GRM7: variants seen among roughly 807,000 people sequenced by gnomAD.
The protein encoded by GRM7 is metabotropic glutamate receptor 7.
A neutral mutation model predicts 84.5 loss-of-function variants in GRM7; 35 were observed. That is an observed-to-expected ratio of 0.41 (90% CI 0.32 to 0.55). GRM7 has a LOEUF of 0.55. GRM7 is among the 20% of genes least tolerant of loss of function. The probability of loss-of-function intolerance (pLI) is 0.19; values close to 1 mark genes in which losing one functional copy is unlikely to be tolerated. For missense variants in GRM7, 1,003 were observed against 1,194.6 expected, an observed-to-expected ratio of 0.84 and a Z score of 2.36; for synonymous variants, 487 against 455.1, an observed-to-expected ratio of 1.07 and a Z score of -0.89.
At chr3:7,595,716 G>A (rs947544586) in intron 8 of GRM7, among the ~76,000 whole-genome samples, 18 of 151,980 alleles carry the variant, frequency 1.2e-4, no homozygotes, top group African/African-American at 4.3e-4. Flanking sequence ...GTAGGGAAGA[G>A]TGCCCAGGCC....
intron 5 of GRM7, among the ~76,000 whole-genome samples, chr3:7,426,095 GTTCTTTCT>G (rs144628224): frequency 8.3e-4 from 125 of 150,638 alleles, no homozygotes; most frequent in Admixed American, 1.8e-3. Flanking sequence ...CATATCATAC[GTTCTTTCT>G]TTCTTTCTTT....
intron 7 of GRM7, among the ~76,000 whole-genome samples, chr3:7,539,569 A>T (rs1692752409): frequency 6.6e-6 from 1 of 151,246 alleles, no homozygotes; most frequent in Non-Finnish European, 1.5e-5. Context: ...CCAGCTACTC[A>T]GGAAGCTGAG....
chr3:7,665,970 G>T (rs1272536748), intron 8 of GRM7, among the ~76,000 whole-genome samples: 2 of 152,054 alleles, frequency 1.3e-5, no homozygotes, highest in Non-Finnish European at 2.9e-5. Context: ...TTTTTTGAAG[G>T]CTTCATTTTT....
intron 1 of GRM7, among the ~76,000 whole-genome samples, chr3:7,022,934 T>C (rs1378822776): frequency 6.6e-6 from 1 of 152,128 alleles, no homozygotes; most frequent in Non-Finnish European, 1.5e-5. Flanking sequence ...AATAACCCAG[T>C]GTATTATAGA....
At chr3:7,540,761 A>G (rs919927687) in intron 7 of GRM7, among the ~76,000 whole-genome samples, 1 of 152,208 alleles carries the variant, frequency 6.6e-6, no homozygotes, top group Non-Finnish European at 1.5e-5. Context: ...AGAAGACAAA[A>G]TAGACTCCCT....
At chr3:7,110,090 A>G (rs911172703) in intron 1 of GRM7, among the ~76,000 whole-genome samples, 4 of 152,138 alleles carry the variant, frequency 2.6e-5, no homozygotes, top group Admixed American at 6.6e-5. Context: ...ATACAATTTC[A>G]TTATTTATTT....
rs1693902168 is a variant in GRM7, at chr3:7,366,582, G to T, written c.1034-48441G>T. ...TAATATGGTTAGAAATTATTTAAAT[G>T]ATTGTCTTTATTTTTCTGTAAGTGC... On this transcript the variant is annotated intron_variant, in intron 4 of 9. Transcript: ENST00000357716. Among the ~76,000 whole-genome samples, 4 of 151,818 alleles carry T rather than the reference G, an allele frequency of 2.6e-5. No individual in the cohort carries two copies. In the South Asian group the frequency reaches 8.3e-4, roughly 32 times the overall value.
chr3:6,888,370 A>G (rs548293428), intron 1 of GRM7, among the ~76,000 whole-genome samples: 1 of 152,178 alleles, frequency 6.6e-6, no homozygotes, highest in Non-Finnish European at 1.5e-5. Flanking sequence ...TTTATGTCTA[A>G]CGTTTAAGTC....
intron 8 of GRM7, among the ~76,000 whole-genome samples, chr3:7,660,378 G>A (rs1002411166): frequency 2.0e-5 from 3 of 152,142 alleles, no homozygotes; most frequent in Non-Finnish European, 4.4e-5. Context: ...GCAGAAGGCA[G>A]GACATTTTAT....
intron 2 of GRM7, among the ~76,000 whole-genome samples, chr3:7,198,913 A>G (rs1472352075): frequency 1.3e-5 from 2 of 152,224 alleles, no homozygotes; most frequent in Non-Finnish European, 2.9e-5. Context: ...CAATGAAATC[A>G]GAAAGACAGA....
At chr3:7,417,773 T>C (rs1696229091) in intron 5 of GRM7, among the ~76,000 whole-genome samples, 1 of 151,964 alleles carries the variant, frequency 6.6e-6, no homozygotes, top group South Asian at 2.1e-4. Context: ...TGTAGGCCAT[T>C]TTTTTTTCTT....
At chr3:7,615,870 G>A (rs1559441255) in intron 8 of GRM7, among the ~76,000 whole-genome samples, 2 of 151,840 alleles carry the variant, frequency 1.3e-5, no homozygotes, top group Non-Finnish European at 2.9e-5. Context: ...ATGTGTGTAT[G>A]AGTGTATATG....
intron 4 of GRM7, among the ~76,000 whole-genome samples, chr3:7,397,474 G>T (rs984078485): frequency 6.6e-6 from 1 of 152,098 alleles, no homozygotes; most frequent in African/African-American, 2.4e-5. Flanking sequence ...AAATGAATAA[G>T]ACCTAATATT....
At chr3:7,443,480 T>A (rs1383883976) in intron 5 of GRM7, among the ~76,000 whole-genome samples, 2 of 152,150 alleles carry the variant, frequency 1.3e-5, no homozygotes, top group Non-Finnish European at 2.9e-5. Flanking sequence ...TTATTTGATA[T>A]GTTTCTCAAT....
chr3:7,215,964 C>A (rs959592812), intron 2 of GRM7, among the ~76,000 whole-genome samples: 2 of 152,102 alleles, frequency 1.3e-5, no homozygotes, highest in Admixed American at 1.3e-4. Context: ...GGCAAAGATA[C>A]CCCAAGTCAG....
At chr3:7,676,036 C>T (rs938777181) in intron 8 of GRM7, among the ~76,000 whole-genome samples, 2 of 151,828 alleles carry the variant, frequency 1.3e-5, no homozygotes, top group African/African-American at 2.4e-5. Flanking sequence ...AGTGCAGTGG[C>T]GTGATCGTGA....
chr3:6,912,871 C>T lies in GRM7; in HGVS notation c.519+50964C>T, dbSNP rs79748550. On this transcript the variant is annotated intron_variant, in intron 1 of 9. Transcript: ENST00000357716. ...GGTTGTTATTAAGTGAATAAAACCA[C>T]ATTTTCTGTTGTGTTTCATAAATTC... Among the ~76,000 whole-genome samples, 1,435 of 152,190 alleles carry T rather than the reference C, an allele frequency of 9.4e-3. 23 individuals carry two copies. The highest frequency in any genetic ancestry group is 0.032 in the African/African-American group (1,333 of 41,516).
chr3:7,349,346 A>C (rs1693031169), intron 4 of GRM7, among the ~76,000 whole-genome samples: 1 of 152,140 alleles, frequency 6.6e-6, no homozygotes, highest in South Asian at 2.1e-4. Flanking sequence ...TTCTATTAGC[A>C]TAAAGTGGCC....
intron 1 of GRM7, among the ~76,000 whole-genome samples, chr3:6,993,727 G>T (rs1694732132): frequency 6.6e-6 from 1 of 152,188 alleles, no homozygotes; most frequent in Non-Finnish European, 1.5e-5. Context: ...AAGGATGTTG[G>T]CAATGGAAAG....
Sources: allele counts gnomAD v4.1 joint callset (sites outside exome capture counted in the v4.1 genomes callset), GRCh38; gene constraint gnomAD v4.1.1; transcripts MANE v1.5; gene names NCBI Gene and HGNC (gene_info 2026-07-23, HGNC 2026-07-21).